Variants in MIA2 observed in about 807,000 individuals in gnomAD.
MIA2 encodes melanoma inhibitory activity protein 2.
Under a neutral mutation model 167.8 loss-of-function variants are expected in MIA2, and 127 were observed. The observed-to-expected ratio is 0.76, with a 90% CI of 0.66 to 0.88. MIA2 has a LOEUF of 0.88. MIA2 is among the 40% of genes least tolerant of loss of function. MIA2 has a pLI of 0.00. For synonymous variants in MIA2, 552 were observed against 541.9 expected (o/e 1.02, Z -0.26); for missense variants, 1,690 against 1,624.7 (o/e 1.04, Z -0.69).
In MIA2 at chr14:39,266,455, A is replaced by G. The variant is rs376775224; in HGVS notation, c.1888-10479A>G. On this transcript the variant is annotated intron_variant, in intron 6 of 28. Transcript: ENST00000640607. ...CCAGGCCAAGGTCCACGGGGATTTG[A>G]TTTAGCATTTGGGTAACTGGCCGCT... is the stretch of plus-strand genomic sequence containing the variant. 1,819 of 985,454 alleles carry G rather than the reference A, an allele frequency of 1.8e-3. 6 individuals are homozygous for G. Among genetic ancestry groups the G allele is most frequent in the Middle Eastern group, 6.3e-3 (12 of 1,916 alleles). 61.0% of individuals were successfully genotyped at this position (985,454 alleles called of 1,614,324 possible). A position where few individuals can be genotyped will look rare whatever the true frequency, so the allele number is the denominator to read the frequency against.
chr14:39,335,735 T>G (rs1678106255), intron 25 of MIA2, among the ~76,000 whole-genome samples: 1 of 152,128 alleles, frequency 6.6e-6, no homozygotes, highest in Admixed American at 6.6e-5. Flanking sequence ...TACCCACAGT[T>G]TTTCAGCCCT....
chr14:39,241,839 C>T (rs1343712569), intron 3 of MIA2, among the ~76,000 whole-genome samples: 1 of 152,192 alleles, frequency 6.6e-6, no homozygotes, highest in African/African-American at 2.4e-5. Flanking sequence ...TCTGCTCCTG[C>T]CTCCTTTGCT....
At chr14:39,315,120 T>TA (rs558848153) in intron 20 of MIA2, 20,777 of 104,698 alleles carry the variant, frequency 0.2, 2,700 homozygotes, top group East Asian at 0.32. Flanking sequence ...CTGTCTCTAC[T>TA]AAAAAAAAAA....
intron 24 of MIA2, 151 bp downstream of exon 24, chr14:39,321,207 C>G (rs1461225851): frequency 2.9e-6 from 2 of 686,628 alleles, no homozygotes; most frequent in African/African-American, 1.8e-5. Flanking sequence ...AAAAGGAGCT[C>G]TATGACATCT....
chr14:39,316,722 A>G (rs1048107139), intron 21 of MIA2, among the ~76,000 whole-genome samples: 2 of 152,190 alleles, frequency 1.3e-5, no homozygotes, highest in Admixed American at 1.3e-4. Flanking sequence ...TACTAAATTA[A>G]GCTGGGCTTG....
At chr14:39,342,189 G>A (rs2072059888) in intron 25 of MIA2, among the ~76,000 whole-genome samples, 1 of 140,854 alleles carries the variant, frequency 7.1e-6, no homozygotes. Flanking sequence ...AGTCCCCGGT[G>A]TGTGATGTTC....
intron 4 of MIA2, among the ~76,000 whole-genome samples, chr14:39,250,371 G>A (rs1272446937): frequency 2.0e-5 from 3 of 151,420 alleles, no homozygotes; most frequent in Admixed American, 6.6e-5. Context: ...GTTCGAGGCC[G>A]GCCTGGGCAA....
chr14:39,304,733 G>C (rs1458596004), intron 17 of MIA2, among the ~76,000 whole-genome samples: 2 of 152,108 alleles, frequency 1.3e-5, no homozygotes, highest in African/African-American at 4.8e-5. Flanking sequence ...TTGAAAAATT[G>C]ATCTTCAATA....
At chr14:39,254,093 G>T (rs923649814) in intron 6 of MIA2, among the ~76,000 whole-genome samples, 1 of 152,192 alleles carries the variant, frequency 6.6e-6, no homozygotes, top group African/African-American at 2.4e-5. Flanking sequence ...CTAGTAGATT[G>T]ATTGGGAGTG....
At chr14:39,352,511 G>T (rs1189073584), downstream of MIA2, among the ~76,000 whole-genome samples, 1 of 151,882 alleles carries the variant, frequency 6.6e-6, no homozygotes, top group Admixed American at 6.6e-5. Flanking sequence ...GTTTATCAGG[G>T]TATGAAATTG....
chr14:39,362,904 CTTT>C (rs1406759961), intron 23 of MIA2, among the ~76,000 whole-genome samples: 1 of 152,066 alleles, frequency 6.6e-6, no homozygotes, highest in Non-Finnish European at 1.5e-5. Context: ...AAGAAAACTT[CTTT>C]ATTTCCTTCT....
At chr14:39,378,755 C>T (rs2075095187) in intron 23 of MIA2, among the ~76,000 whole-genome samples, 1 of 152,150 alleles carries the variant, frequency 6.6e-6, no homozygotes, top group Non-Finnish European at 1.5e-5. Context: ...ACAATACTTC[C>T]TGTATGAATT....
In MIA2 at chr14:39,303,289, C is replaced by G. The variant is rs190637164; in HGVS notation, c.2741-189C>G. Among the ~76,000 whole-genome samples the G allele has an allele frequency of 2.5e-3, 379 of 152,242 alleles. 1 individual carries two copies. The highest frequency in any genetic ancestry group is 0.014 in the Middle Eastern group (4 of 292). ...AACCTTGTTAAATGGTATGACACTT[C>G]AGTGCTTTTATTGTTTAGCTTCCTG... On this transcript the variant is annotated intron_variant, in intron 15 of 28. Coordinates refer to ENST00000640607, the MANE Select transcript of MIA2 (RefSeq NM_001329214.4).
At chr14:39,259,105 G>A (rs1817405749) in intron 6 of MIA2, among the ~76,000 whole-genome samples, 1 of 152,222 alleles carries the variant, frequency 6.6e-6, no homozygotes, top group African/African-American at 2.4e-5. Flanking sequence ...GAGCTGGTGC[G>A]CTGTGCTGAT....
intron 9 of MIA2, 51 bp downstream of exon 9, chr14:39,279,588 C>G (rs752270100): frequency 2.5e-6 from 3 of 1,182,150 alleles, no homozygotes; most frequent in Non-Finnish European, 3.7e-6. Context: ...GAACTTTATA[C>G]TTCTCACTGT....
chr14:39,234,912 T>G (rs2053661303), intron 1 of MIA2, among the ~76,000 whole-genome samples: 1 of 152,052 alleles, frequency 6.6e-6, no homozygotes, highest in African/African-American at 2.4e-5. Context: ...CAAAATAAAT[T>G]ACATCCCAAT....
rs1372100362 is a variant in MIA2 at position 39,298,443 on chromosome 14, A to ATATGT, written c.2497-1421_2497-1420insTATGT. Among the ~76,000 whole-genome samples, 67 of 50,030 alleles carry ATATGT rather than the reference A, an allele frequency of 1.3e-3. 7 individuals are homozygous for ATATGT. The highest frequency in any genetic ancestry group is 6.9e-3 in the South Asian group (11 of 1,594). The allele number at this position is 50,030 out of a possible 152,430, so 32.8% of individuals were successfully genotyped here. ...TATATATATATATATATATATATAT[A>ATATGT]AAGATTAGTTTTTCATGTGTTCGGA... On this transcript the variant is annotated intron_variant, in intron 13 of 28. Coordinates refer to ENST00000640607, the MANE Select transcript of MIA2 (RefSeq NM_001329214.4).
Position 39,286,696 on chromosome 14 carries a change from C to CTTTTTTTT in MIA2, c.2131-4315_2131-4308dup, listed in dbSNP as rs35159773. On this transcript the variant is annotated intron_variant, in intron 9 of 28. Transcript: ENST00000640607. ...TTATCCTTCTCTTCCTTCCTTCTTACTTTTTTTTTTTTTTTGAGACAGGCT... is the reference window on the plus strand; with the variant it reads ...TTATCCTTCTCTTCCTTCCTTCTTACTTTTTTTTTTTTTTTTTTTTTTTGAGACAGGCT... Among the ~76,000 whole-genome samples the CTTTTTTTT allele has an allele frequency of 4.9e-5, 7 of 142,690 alleles. 3 individuals carry two copies. Among genetic ancestry groups the CTTTTTTTT allele is most frequent in the Non-Finnish European group, 3.0e-5 (2 of 66,014 alleles). The allele number at this position is 142,690 out of a possible 152,430, so 93.6% of individuals were successfully genotyped here. A position where few individuals can be genotyped will look rare whatever the true frequency, so the allele number is the denominator to read the frequency against.
chr14:39,294,141 A>T (rs888643344), intron 12 of MIA2, 70 bp downstream of exon 12: 31 of 1,129,114 alleles, frequency 2.7e-5, no homozygotes, highest in Non-Finnish European at 3.8e-5. Flanking sequence ...TAAAATTAAG[A>T]AATAAGACAC....
Sources: allele counts gnomAD v4.1 joint callset (sites outside exome capture counted in the v4.1 genomes callset), GRCh38; gene constraint gnomAD v4.1.1; transcripts MANE v1.5; gene names NCBI Gene and HGNC (gene_info 2026-07-23, HGNC 2026-07-21).